POFUT3: variants seen among roughly 807,000 people sequenced by gnomAD.
POFUT3 encodes protein O-fucosyltransferase 3, also known as GDP-fucose protein O-fucosyltransferase 3.
the POFUT3 span, among the ~76,000 whole-genome samples, chr8:33,348,207 CCT>C: frequency 1.3e-5 from 2 of 150,780 alleles, no homozygotes; most frequent in African/African-American, 4.9e-5. Context: ...ACAGAAAATG[CCT>C]CTGTTATTGC....
At chr8:33,389,928 C>G in the POFUT3 span, 7 of 666,952 alleles carry the variant, frequency 1.0e-5, no homozygotes, top group South Asian at 1.4e-4. Context: ...GGCACGGTGG[C>G]TCACGCCTGT....
At chr8:33,411,952 G>T in the POFUT3 span, among the ~76,000 whole-genome samples, 2,095 of 152,228 alleles carry the variant, frequency 0.014, 57 homozygotes, top group African/African-American at 0.048. Context: ...CTTGCCCAGG[G>T]GTTCACCATT....
At chr8:33,418,411 CTTTTTTTTT>C in the POFUT3 span, among the ~76,000 whole-genome samples, 1 of 126,576 alleles carries the variant, frequency 7.9e-6, no homozygotes, top group Non-Finnish European at 1.6e-5. Context: ...AAAGGGAACT[CTTTTTTTTT>C]TTTTTTTTTT....
At chr8:33,457,659 G>A in the POFUT3 span, among the ~76,000 whole-genome samples, 9 of 152,220 alleles carry the variant, frequency 5.9e-5, no homozygotes, top group African/African-American at 2.2e-4. Flanking sequence ...TAGCTCCAAA[G>A]TGAGAGAATC....
the POFUT3 span, among the ~76,000 whole-genome samples, chr8:33,316,299 C>A: frequency 2.6e-5 from 4 of 152,090 alleles, no homozygotes; most frequent in African/African-American, 9.7e-5. Context: ...CTATCTTCCC[C>A]ACTTTACCTT....
chr8:33,376,607 CA>C, the POFUT3 span, among the ~76,000 whole-genome samples: 2 of 152,156 alleles, frequency 1.3e-5, no homozygotes, highest in African/African-American at 4.8e-5. Context: ...GTCTGACTTC[CA>C]AGGGCCTAGA....
chr8:33,409,162 T>C, the POFUT3 span, among the ~76,000 whole-genome samples: 2 of 152,152 alleles, frequency 1.3e-5, no homozygotes, highest in Non-Finnish European at 2.9e-5. Context: ...GTGTGTAGTG[T>C]CACAATCTCG....
At chr8:33,471,078 A>C in the POFUT3 span, among the ~76,000 whole-genome samples, 8 of 152,372 alleles carry the variant, frequency 5.3e-5, no homozygotes, top group African/African-American at 1.9e-4. Context: ...TCTGAAAGAC[A>C]TTTTAAGATA....
chr8:33,340,014 A>G, the POFUT3 span, among the ~76,000 whole-genome samples: 1 of 152,194 alleles, frequency 6.6e-6, no homozygotes, highest in Non-Finnish European at 1.5e-5. Flanking sequence ...TATGTTTATT[A>G]GTTGAAGCAC....
chr8:33,322,022 C>G, the POFUT3 span, among the ~76,000 whole-genome samples: 5 of 152,064 alleles, frequency 3.3e-5, no homozygotes, highest in African/African-American at 9.7e-5. Context: ...CAGCATAGTA[C>G]ACCACACATG....
the POFUT3 span, among the ~76,000 whole-genome samples, chr8:33,390,646 T>G: frequency 6.6e-6 from 1 of 151,262 alleles, no homozygotes; most frequent in Non-Finnish European, 1.5e-5. Flanking sequence ...TTCAGCAAAG[T>G]GCAGTTAATC....
chr8:33,336,636 G>A, the POFUT3 span, among the ~76,000 whole-genome samples: 1 of 152,228 alleles, frequency 6.6e-6, no homozygotes, highest in East Asian at 1.9e-4. Context: ...AGGACATGCT[G>A]GGGATTTCAC....
At chr8:33,423,911 G>T in the POFUT3 span, among the ~76,000 whole-genome samples, 2 of 151,490 alleles carry the variant, frequency 1.3e-5, no homozygotes, top group Non-Finnish European at 2.9e-5. Context: ...GGCCAAAGCG[G>T]GTGGATCATT....
chr8:33,409,254 C>T, the POFUT3 span, among the ~76,000 whole-genome samples: 1 of 152,138 alleles, frequency 6.6e-6, no homozygotes, highest in African/African-American at 2.4e-5. Context: ...AGGCATGCAC[C>T]ACCATGCCCA....
At chr8:33,468,015 G>A in the POFUT3 span, among the ~76,000 whole-genome samples, 2 of 152,060 alleles carry the variant, frequency 1.3e-5, no homozygotes, top group Admixed American at 6.6e-5. Context: ...CAAGGTGGGC[G>A]GATCACCTAA....
the POFUT3 span, among the ~76,000 whole-genome samples, chr8:33,318,794 T>C: frequency 1.0e-4 from 5 of 47,702 alleles, no homozygotes; most frequent in South Asian, 1.1e-3. Context: ...TTATATAATA[T>C]ATATATATTT....
the POFUT3 span, among the ~76,000 whole-genome samples, chr8:33,387,901 G>A: frequency 6.6e-6 from 1 of 152,128 alleles, no homozygotes; most frequent in South Asian, 2.1e-4. Context: ...GCTATGAGTG[G>A]GCCACCTCAT....
chr8:33,345,475 A>G, the POFUT3 span, among the ~76,000 whole-genome samples: 1 of 138,634 alleles, frequency 7.2e-6, no homozygotes, highest in Non-Finnish European at 1.5e-5. Context: ...ATCTCAGCTT[A>G]TTGCAACCTC....
the POFUT3 span, among the ~76,000 whole-genome samples, chr8:33,335,388 G>A: frequency 3.3e-5 from 5 of 152,110 alleles, no homozygotes; most frequent in Non-Finnish European, 5.9e-5. Flanking sequence ...AATTAGCATG[G>A]AATTTGGCAA....
Sources: gnomAD v4.1 joint callset for allele counts (sites outside exome capture counted in the v4.1 genomes callset) on GRCh38, gnomAD v4.1.1 for gene constraint, MANE v1.5 for transcripts, NCBI Gene and HGNC (gene_info 2026-07-23, HGNC 2026-07-21) for gene names.